Variants in MICOS13 observed in about 807,000 individuals in gnomAD.
The protein encoded by MICOS13 is mitochondrial contact site and cristae organizing system subunit 13, also known as MICOS complex subunit MIC13.
In MICOS13, 15 loss-of-function variants were observed where a neutral mutation model predicts 16.1. That is an observed-to-expected ratio of 0.93 (90% confidence interval 0.62 to 1.44). MICOS13 has a LOEUF of 1.44. Among genes scored for constraint, MICOS13 ranks in the 40% most tolerant of loss-of-function variants. The pLI is 0.00. For synonymous variants in MICOS13, 61 were observed against 62.6 expected (o/e 0.97, Z 0.12); for missense variants, 164 against 155.0 (o/e 1.06, Z -0.31).
rs931215675 is a variant in MICOS13, at chr19:5,678,526, G to T, written c.*25C>A. On this transcript the variant is annotated 3_prime_UTR_variant, in exon 4 of 4. Transcript: ENST00000309324. ...AGTGGCAGCCCTGCCCGTTCTGGCC[G>T]GGGCAGGCGGCCCCTGCTGACTCGC... 7 of 1,537,614 alleles carry T rather than the reference G, an allele frequency of 4.6e-6. No homozygotes were observed. The highest frequency in any genetic ancestry group is 5.3e-6 in the Non-Finnish European group (6 of 1,137,372).
intron 1 of MICOS13, chr19:5,680,160 G>A (rs774549960): frequency 6.5e-7 from 1 of 1,536,402 alleles, no homozygotes; most frequent in South Asian, 1.2e-5. Context: ...CCACGCCAGC[G>A]GCAGGATTCA....
chr19:5,679,327 A>G lies in MICOS13; in HGVS notation c.259+18T>C. The G allele has an allele frequency of 6.2e-7, 1 of 1,610,646 alleles. No individual in the cohort carries two copies. The highest frequency in any genetic ancestry group is 8.5e-7 in the Non-Finnish European group (1 of 1,177,656). ...GACTGGGGTGTCTCCCTCCAAGCAA[A>G]GAAACTGGGTGCCTTACCTGCATTC... On this transcript the variant is annotated intron_variant, in intron 3 of 3. Coordinates refer to ENST00000309324, the MANE Select transcript of MICOS13 (RefSeq NM_205767.3).
rs751514316 is a variant in MICOS13, at chr19:5,679,579, G to C, written c.207+7C>G. The C allele has an allele frequency of 6.2e-7, 1 of 1,608,326 alleles. No individual in the cohort carries two copies. Among genetic ancestry groups the C allele is most frequent in the Non-Finnish European group, 8.5e-7 (1 of 1,177,832 alleles). ...CAAACCCTGGCCTCGTTCCCGGCCC[G>C]TAGTACCTGGGGTATCTGCAGGCCT... is the stretch of plus-strand genomic sequence containing the variant. On this transcript the variant is annotated splice_region_variant and intron_variant, in intron 2 of 3. Transcript: ENST00000309324.
intron 3 of MICOS13, chr19:5,678,870 T>C: frequency 4.1e-6 from 2 of 487,508 alleles, no homozygotes; most frequent in Non-Finnish European, 7.2e-6. Flanking sequence ...GCCTCCCAAG[T>C]AGCTGGGACT....
At chr19:5,680,353 A>T in intron 1 of MICOS13, 105 bp downstream of exon 1, 1 of 1,604,454 alleles carries the variant, frequency 6.2e-7, no homozygotes. Flanking sequence ...AGGGGAAGTG[A>T]CTCTAAGGGA....
chr19:5,680,120 C>G, intron 1 of MICOS13: 2 of 1,536,016 alleles, frequency 1.3e-6, no homozygotes, highest in Non-Finnish European at 1.7e-6. Context: ...CGCTGTCACT[C>G]GCAGCTCCGA....
intron 1 of MICOS13, 159 bp downstream of exon 1, chr19:5,680,299 T>C: frequency 6.2e-7 from 1 of 1,609,714 alleles, no homozygotes; most frequent in Non-Finnish European, 8.5e-7. Context: ...GCCCCGCCCC[T>C]CTGAAGCCTC....
Position 5,680,505 on chromosome 19 carries a change from GC to G in MICOS13, c.-20del. The G allele has an allele frequency of 6.2e-7, 1 of 1,600,488 alleles. No homozygotes were observed. The highest frequency in any genetic ancestry group is 8.5e-7 in the Non-Finnish European group (1 of 1,176,452). ...CCACCATGGTCGCTCGGATCCACGC[GC>G]AAGGACACTCGGCTCGCCCGCCGCT... is the stretch of plus-strand genomic sequence containing the variant. On this transcript the variant is annotated 5_prime_UTR_variant, in exon 1 of 4. Transcript: ENST00000309324.
In MICOS13 at chr19:5,679,690, C is replaced by T. The variant is rs1413925137; in HGVS notation, c.103G>A (p.Asp35Asn). 4 of 1,610,010 alleles carry T rather than the reference C, an allele frequency of 2.5e-6. No individual in the cohort carries two copies. Among genetic ancestry groups the T allele is most frequent in the African/African-American group, 1.3e-5 (1 of 74,766 alleles). ...VYDQELLGPSDKSQAALQKAG... is the reference protein window; with the variant it reads ...VYDQELLGPSNKSQAALQKAG... ...TTCTGTAGGGCTGCCTGGCTCTTGT[C>T]GCTGGGCCCCAGCAGCTCCTGGTCG... The change falls in exon 2 of 4, where the codon GAC becomes AAC. Residue 35 changes from aspartate (D) to asparagine (N), a missense_variant. Asp to Asn is a conservative substitution (Grantham distance 23, BLOSUM62 1). Coordinates refer to ENST00000309324, the MANE Select transcript of MICOS13 (RefSeq NM_205767.3).
In MICOS13 at chr19:5,678,550, G is replaced by C. The variant is rs1160412504; in HGVS notation, c.*1C>G. 6.5e-7 allele frequency: 1 copy of C among 1,548,664 alleles called. No homozygotes were observed. Among genetic ancestry groups the C allele is most frequent in the Admixed American group, 2.0e-5 (1 of 50,960 alleles). On this transcript the variant is annotated 3_prime_UTR_variant, in exon 4 of 4. Coordinates refer to ENST00000309324, the MANE Select transcript of MICOS13 (RefSeq NM_205767.3). Reference sequence around the variant, plus strand: ...CGGGGCAGGCGGCCCCTGCTGACTCGCTACTTGGTGCGCGCCTTCACATAC... The same window carrying C: ...CGGGGCAGGCGGCCCCTGCTGACTCCCTACTTGGTGCGCGCCTTCACATAC...
chr19:5,680,514 C>T lies in MICOS13; in HGVS notation c.-28G>A, dbSNP rs778741315. On this transcript the variant is annotated 5_prime_UTR_variant, in exon 1 of 4. It adds an upstream start codon to the 5' untranslated region. Transcript: ENST00000309324. ...TCGCTCGGATCCACGCGCAAGGACACTCGGCTCGCCCGCCGCTTCCTGTCG... is the reference window on the plus strand; with the variant it reads ...TCGCTCGGATCCACGCGCAAGGACATTCGGCTCGCCCGCCGCTTCCTGTCG... 5 of 1,592,692 alleles carry T rather than the reference C, an allele frequency of 3.1e-6. No individual in the cohort carries two copies. In the East Asian group the frequency reaches 6.7e-5, roughly 21 times the overall value.
rs928142961 is a variant in MICOS13, at chr19:5,679,479, G to A, written c.208-83C>T. 150 of 1,593,468 alleles carry A rather than the reference G, an allele frequency of 9.4e-5. 3 individuals carry two copies. In the East Asian group the frequency reaches 3.3e-3, roughly 35 times the overall value. On this transcript the variant is annotated intron_variant, in intron 2 of 3. Transcript: ENST00000309324. ...GAGGCGGAGGGAGGAGGACAGGCCG[G>A]AGAATCAGGTCAGCATCAATATGGA...
In MICOS13 at chr19:5,679,733, G is replaced by A; in HGVS notation, c.60C>T (p.Gly20=). The change falls in exon 2 of 4, where the codon GGC becomes GGT. Residue 20 remains glycine (G), a synonymous_variant. Coordinates refer to ENST00000309324, the MANE Select transcript of MICOS13 (RefSeq NM_205767.3). ...RFLIKGSVAG[G]AVYLVYDQEL... ...CCTGGTCGTACACCAGGTAGACGGC[G>A]CCCCCAGCCACACTTCCCTTGATGA... is the stretch of plus-strand genomic sequence containing the variant. The A allele has an allele frequency of 1.9e-6, 3 of 1,607,676 alleles. No individual in the cohort carries two copies. The highest frequency in any genetic ancestry group is 2.5e-6 in the Non-Finnish European group (3 of 1,178,672).
At position 5,678,464 on chromosome 19, in the gene MICOS13, C is replaced by T. The variant is rs2054472187; in HGVS notation, c.*87G>A. The T allele has an allele frequency of 7.9e-7, 1 of 1,273,276 alleles. No individual in the cohort carries two copies. 78.9% of individuals were successfully genotyped at this position (1,273,276 alleles called of 1,614,324 possible). A position where few individuals can be genotyped will look rare whatever the true frequency, so the allele number is the denominator to read the frequency against. ...ATTGGGCCGGCAAGGCCGGGAGCTG[C>T]CCTCGGAGTGGGGTCCCAGTCCGGA... On this transcript the variant is annotated 3_prime_UTR_variant, in exon 4 of 4. Transcript: ENST00000309324.
intron 3 of MICOS13, chr19:5,678,897 AC>A (rs2054479970): frequency 2.2e-6 from 1 of 446,334 alleles, no homozygotes; most frequent in Admixed American, 4.1e-5. Context: ...GCGCCACCAT[AC>A]CAGGCTAATT....
chr19:5,679,463 G>A, intron 2 of MICOS13, 67 bp from the exon 3 acceptor site: 4 of 1,595,220 alleles, frequency 2.5e-6, no homozygotes, highest in Non-Finnish European at 3.4e-6. Flanking sequence ...AGAGGCGGAG[G>A]GAGGAGGACA....
intron 1 of MICOS13, 104 bp from the exon 2 acceptor site, chr19:5,679,867 CCACAGGGTGA>C: frequency 1.4e-6 from 2 of 1,432,348 alleles, no homozygotes; most frequent in Non-Finnish European, 1.9e-6. Flanking sequence ...GGCTCACCGT[CCACAGGGTGA>C]CACTCTGTAG....
chr19:5,679,435 G>T (rs747844380), intron 2 of MICOS13, 39 bp from the exon 3 acceptor site: 46 of 1,606,544 alleles, frequency 2.9e-5, no homozygotes, highest in Non-Finnish European at 3.7e-5. Context: ...TGGTGAAAAG[G>T]CTCAGCAGCC....
intron 1 of MICOS13, chr19:5,680,046 G>A (rs1424090040): frequency 2.6e-6 from 4 of 1,520,734 alleles, no homozygotes; most frequent in East Asian, 2.4e-5. Flanking sequence ...GAAGACGTAA[G>A]ATCTTGACCT....
Sources: gnomAD v4.1 joint callset for allele counts on GRCh38, gnomAD v4.1.1 for gene constraint, MANE v1.5 for transcripts, NCBI Gene and HGNC (gene_info 2026-07-23, HGNC 2026-07-21) for gene names.